Variants in CYRIA observed in about 807,000 individuals in gnomAD.
CYRIA encodes CYFIP related Rac1 interactor A.
Under a neutral mutation model 43.9 loss-of-function variants are expected in CYRIA, and 15 were observed. That is an observed-to-expected ratio of 0.34 (90% confidence interval 0.23 to 0.53). The LOEUF (loss-of-function observed/expected upper bound fraction) is 0.53, where lower values mean the gene tolerates loss of function less well. Among genes scored for constraint, CYRIA ranks in the 20% least tolerant of loss-of-function variants. CYRIA has a pLI of 0.94. For missense variants in CYRIA, 236 were observed against 394.2 expected (o/e 0.60, Z 3.40); for synonymous variants, 117 against 136.0 (o/e 0.86, Z 0.97).
At chr2:16,648,267 T>C (rs1237874464) in intron 1 of CYRIA, among the ~76,000 whole-genome samples, 1 of 148,514 alleles carries the variant, frequency 6.7e-6, no homozygotes, top group East Asian at 2.0e-4. Flanking sequence ...CGGTTGTTTG[T>C]AAATTTAAGA....
At chr2:16,576,639 G>T (rs1667356626) in intron 3 of CYRIA, among the ~76,000 whole-genome samples, 1 of 152,142 alleles carries the variant, frequency 6.6e-6, no homozygotes, top group Non-Finnish European at 1.5e-5. Context: ...ATTGATGTTG[G>T]TCATTATGTC....
At chr2:16,582,232 G>T (rs1667575936) in intron 3 of CYRIA, among the ~76,000 whole-genome samples, 3 of 152,094 alleles carry the variant, frequency 2.0e-5, no homozygotes, top group Admixed American at 2.0e-4. Flanking sequence ...GAGTTACCAG[G>T]AAAAGAAGAG....
chr2:16,616,960 A>C (rs1668817311), intron 2 of CYRIA, among the ~76,000 whole-genome samples: 1 of 152,242 alleles, frequency 6.6e-6, no homozygotes, highest in African/African-American at 2.4e-5. Context: ...AAAGGATTAT[A>C]TCAAGACCAC....
At chr2:16,643,067 T>C (rs1447794615) in intron 1 of CYRIA, among the ~76,000 whole-genome samples, 1 of 150,386 alleles carries the variant, frequency 6.6e-6, no homozygotes, top group Non-Finnish European at 1.5e-5. Context: ...TACATTACTT[T>C]AGTACTTTTT....
chr2:16,585,245 A>C (rs1667689018), intron 3 of CYRIA, among the ~76,000 whole-genome samples: 1 of 152,096 alleles, frequency 6.6e-6, no homozygotes, highest in Non-Finnish European at 1.5e-5. Flanking sequence ...TTTTCCATGG[A>C]ATGTCTTAGT....
At chr2:16,637,764 A>G (rs910975165) in intron 1 of CYRIA, among the ~76,000 whole-genome samples, 1 of 152,260 alleles carries the variant, frequency 6.6e-6, no homozygotes, top group Non-Finnish European at 1.5e-5. Context: ...ATTATACAAA[A>G]TAATCTCTCA....
intron 1 of CYRIA, among the ~76,000 whole-genome samples, chr2:16,665,075 C>A (rs912623248): frequency 6.6e-6 from 1 of 152,166 alleles, no homozygotes; most frequent in Non-Finnish European, 1.5e-5. Context: ...GACGGGCTGG[C>A]CCATTTTGAC....
intron 1 of CYRIA, among the ~76,000 whole-genome samples, chr2:16,629,330 G>C (rs951067019): frequency 2.0e-5 from 3 of 152,170 alleles, no homozygotes; most frequent in Non-Finnish European, 4.4e-5. Flanking sequence ...AGGAGGTGGT[G>C]TTTAAAGCTC....
At chr2:16,580,153 G>A (rs914969083) in intron 3 of CYRIA, among the ~76,000 whole-genome samples, 1 of 151,942 alleles carries the variant, frequency 6.6e-6, no homozygotes, top group African/African-American at 2.4e-5. Flanking sequence ...TCGCTTTGTT[G>A]CCCAGACTGG....
chr2:16,609,789 A>G (rs1482658325), intron 2 of CYRIA, among the ~76,000 whole-genome samples: 1 of 152,210 alleles, frequency 6.6e-6, no homozygotes, highest in Non-Finnish European at 1.5e-5. Flanking sequence ...AACAAAACGT[A>G]TGCTTCTTCC....
At position 16,650,973 on chromosome 2, in the gene CYRIA, C is replaced by T. The variant is rs1572204690; in HGVS notation, c.-167+14807G>A. ...CACTTTAAAAAAACATTCCATTCAA[C>T]GGGGGCGAGTGAGTCACCATAATCA... On this transcript the variant is annotated intron_variant, in intron 1 of 11. Transcript: ENST00000381323. The surrounding 1 kb of genome is among the most constrained non-coding windows in gnomAD (Gnocchi z 4.1). Among the ~76,000 whole-genome samples, 1 of 152,148 alleles carries T rather than the reference C, an allele frequency of 6.6e-6. No individual in the cohort carries two copies. The highest frequency in any genetic ancestry group is 1.5e-5 in the Non-Finnish European group (1 of 68,030).
rs143187721 is a variant in CYRIA, at chr2:16,656,370, A to G, written c.-167+9410T>C. On this transcript the variant is annotated intron_variant, in intron 1 of 11. Coordinates refer to ENST00000381323, the MANE Select transcript of CYRIA (RefSeq NM_030797.4). ...CATTCAAACCACACACATCATACTTATACACTCACAAGTCCAGGCCTCTCT... is the reference window on the plus strand; with the variant it reads ...CATTCAAACCACACACATCATACTTGTACACTCACAAGTCCAGGCCTCTCT... Among the ~76,000 whole-genome samples the G allele has an allele frequency of 2.6e-3, 396 of 152,200 alleles. 1 individual carries two copies. Among genetic ancestry groups the G allele is most frequent in the Non-Finnish European group, 4.5e-3 (304 of 68,010 alleles).
At chr2:16,588,631 C>T (rs919056421) in intron 2 of CYRIA, among the ~76,000 whole-genome samples, 1 of 152,000 alleles carries the variant, frequency 6.6e-6, no homozygotes, top group African/African-American at 2.4e-5. Context: ...ACAACAAAGA[C>T]GGCATTTTAA....
intron 1 of CYRIA, among the ~76,000 whole-genome samples, chr2:16,654,849 C>A (rs1670065534): frequency 6.6e-6 from 1 of 152,132 alleles, no homozygotes; most frequent in South Asian, 2.1e-4. Context: ...AATTAAGGGT[C>A]ATGACTGGAC....
At chr2:16,609,408 G>C (rs73918610) in intron 2 of CYRIA, among the ~76,000 whole-genome samples, 2,516 of 152,306 alleles carry the variant, frequency 0.017, 75 homozygotes, top group African/African-American at 0.055. Flanking sequence ...GGATTAGCCA[G>C]AAGACCCTGG....
At chr2:16,645,817 T>C (rs1040228662) in intron 1 of CYRIA, among the ~76,000 whole-genome samples, 2 of 152,194 alleles carry the variant, frequency 1.3e-5, no homozygotes, top group South Asian at 2.1e-4. Flanking sequence ...CTTTAATACA[T>C]AGAAAAGTAT....
intron 2 of CYRIA, among the ~76,000 whole-genome samples, chr2:16,593,653 T>C (rs1364166736): frequency 1.3e-5 from 2 of 151,642 alleles, no homozygotes; most frequent in African/African-American, 4.8e-5. Context: ...TTAGTAATAC[T>C]TGGATTATCA....
intron 2 of CYRIA, among the ~76,000 whole-genome samples, chr2:16,611,887 G>A (rs986958654): frequency 1.3e-5 from 2 of 152,154 alleles, no homozygotes; most frequent in Non-Finnish European, 2.9e-5. Flanking sequence ...CAGTCTTCTG[G>A]TTATGTTGAA....
At chr2:16,629,891 A>G (rs1159982030) in intron 1 of CYRIA, among the ~76,000 whole-genome samples, 2 of 152,146 alleles carry the variant, frequency 1.3e-5, no homozygotes, top group African/African-American at 4.8e-5. Flanking sequence ...TAAGACCTAG[A>G]AAAGGAAAGG....
Sources: gnomAD v4.1 joint callset for allele counts (sites outside exome capture counted in the v4.1 genomes callset) on GRCh38, gnomAD v4.1.1 for gene constraint, Gnocchi (gnomAD v3.1) non-coding constraint, MANE v1.5 for transcripts, NCBI Gene and HGNC (gene_info 2026-07-23, HGNC 2026-07-21) for gene names.